The following CNTLN variants were observed in gnomAD, a reference collection of about 807,000 sequenced individuals.
CNTLN encodes the protein centlein.
CNTLN carries 212 observed loss-of-function variants against 180.0 expected under a neutral mutation model. The ratio of observed to expected loss-of-function variants is 1.18; its 90% confidence interval spans 1.05 to 1.32. The LOEUF is 1.32. CNTLN is among the 40% of genes most tolerant of loss of function. The probability of loss-of-function intolerance (pLI) is 0.00; values close to 1 mark genes in which losing one functional copy is unlikely to be tolerated. For synonymous variants in CNTLN, 722 were observed against 563.1 expected (o/e 1.28, Z -3.99); for missense variants, 2,095 against 1,610.9 (o/e 1.30, Z -5.14).
chr9:17,273,735 C>T lies in CNTLN; in HGVS notation c.852C>T (p.Thr284=). ...EKYSTDAKIK[T]FEDNLIEARK... ...TGATATAAGCACTCTAATTTTAGAC[C>T]TTTGAAGACAATTTAATTGAAGCAA... The change falls in exon 6 of 26, where the codon ACC becomes ACT. Residue 284 remains threonine (T), a splice_region_variant and synonymous_variant. Transcript: ENST00000380647. 6.7e-7 allele frequency: 1 copy of T among 1,498,848 alleles called. No individual in the cohort carries two copies. Among genetic ancestry groups the T allele is most frequent in the Non-Finnish European group, 9.0e-7 (1 of 1,116,388 alleles). The allele number at this position is 1,498,848 out of a possible 1,614,324, so 92.8% of individuals were successfully genotyped here.
At chr9:17,359,379 A>T (rs1042786638) in intron 12 of CNTLN, among the ~76,000 whole-genome samples, 2 of 152,102 alleles carry the variant, frequency 1.3e-5, no homozygotes, top group Admixed American at 6.5e-5. Flanking sequence ...AAATTGGCCT[A>T]TGTTAAAACC....
chr9:17,355,206 G>A (rs1822735871), intron 12 of CNTLN, among the ~76,000 whole-genome samples: 1 of 152,098 alleles, frequency 6.6e-6, no homozygotes, highest in Non-Finnish European at 1.5e-5. Flanking sequence ...TTTTTAGTAG[G>A]GACGGGGTTT....
the CNTLN span, among the ~76,000 whole-genome samples, chr9:17,526,469 A>G: frequency 6.6e-6 from 1 of 152,216 alleles, no homozygotes; most frequent in East Asian, 1.9e-4. Flanking sequence ...AATATCTTTC[A>G]ATTACTGAAT....
At chr9:17,398,729 T>C (rs1365039265) in intron 15 of CNTLN, among the ~76,000 whole-genome samples, 3 of 152,178 alleles carry the variant, frequency 2.0e-5, no homozygotes, top group Non-Finnish European at 4.4e-5. Context: ...CTTTGAGGCA[T>C]GGTTTCAGAA....
intron 2 of CNTLN, among the ~76,000 whole-genome samples, chr9:17,207,177 A>G (rs1422170351): frequency 6.6e-6 from 1 of 152,168 alleles, no homozygotes; most frequent in Non-Finnish European, 1.5e-5. Flanking sequence ...TCCTGTTTCC[A>G]TTGCAATTTG....
intron 5 of CNTLN, among the ~76,000 whole-genome samples, chr9:17,258,820 A>C (rs371714359): frequency 0.11 from 15,105 of 142,130 alleles, 1,102 homozygotes; most frequent in African/African-American, 0.19. Flanking sequence ...TTGTACATTG[A>C]TTTTGTATCC....
intron 5 of CNTLN, among the ~76,000 whole-genome samples, chr9:17,270,885 C>G (rs1827887106): frequency 6.7e-6 from 1 of 148,260 alleles, no homozygotes; most frequent in African/African-American, 2.5e-5. Flanking sequence ...TAGTGGGAAA[C>G]AATGAAAAGT....
intron 13 of CNTLN, among the ~76,000 whole-genome samples, chr9:17,387,142 A>T (rs192667756): frequency 3.3e-4 from 51 of 152,308 alleles, no homozygotes; most frequent in African/African-American, 9.9e-4. Flanking sequence ...CACTCTAACA[A>T]ACTTGTTAGT....
intron 2 of CNTLN, among the ~76,000 whole-genome samples, chr9:17,200,020 T>C (rs1383317967): frequency 2.0e-5 from 3 of 152,194 alleles, no homozygotes; most frequent in Non-Finnish European, 4.4e-5. Context: ...TTATATAAAG[T>C]GTAAGGAATG....
In CNTLN at chr9:17,275,105, C is replaced by A. The variant is rs78618794; in HGVS notation, c.983+1239C>A. Among the ~76,000 whole-genome samples, 867 of 152,102 alleles carry A rather than the reference C, an allele frequency of 5.7e-3. 10 individuals carry two copies. Among genetic ancestry groups the A allele is most frequent in the African/African-American group, 0.02 (832 of 41,510 alleles). On this transcript the variant is annotated intron_variant, in intron 6 of 25. Coordinates refer to ENST00000380647, the MANE Select transcript of CNTLN (RefSeq NM_017738.4). ...AAGTAATTCTAAATAGGAATAGAAT[C>A]TTAGATTTGGATGAAATTTAAAAAT...
intron 12 of CNTLN, among the ~76,000 whole-genome samples, chr9:17,365,556 GA>G (rs1255043579): frequency 6.6e-6 from 1 of 152,178 alleles, no homozygotes; most frequent in African/African-American, 2.4e-5. Flanking sequence ...TGTTTTACTG[GA>G]AAGTCTTTTT....
chr9:17,506,858 C>T (rs74625721), downstream of CNTLN, among the ~76,000 whole-genome samples: 1,308 of 152,044 alleles, frequency 8.6e-3, 14 homozygotes, highest in African/African-American at 0.03. Context: ...TTAATTGATA[C>T]ATAATTTTAC....
chr9:17,241,052 G>A (rs1825457616), intron 5 of CNTLN, among the ~76,000 whole-genome samples: 1 of 152,030 alleles, frequency 6.6e-6, no homozygotes, highest in Admixed American at 6.5e-5. Flanking sequence ...TAGAGACGGG[G>A]TTTCATCGTG....
At chr9:17,142,896 A>G (rs180974149) in intron 1 of CNTLN, among the ~76,000 whole-genome samples, 164 of 152,308 alleles carry the variant, frequency 1.1e-3, no homozygotes, top group Non-Finnish European at 6.2e-4. Flanking sequence ...GGTTAGGAAA[A>G]TCTTACTAGG....
chr9:17,469,572 A>G (rs1465838518), intron 23 of CNTLN, among the ~76,000 whole-genome samples: 1 of 151,716 alleles, frequency 6.6e-6, no homozygotes, highest in Admixed American at 6.6e-5. Context: ...CTTAACTACT[A>G]CCACATTAGG....
the CNTLN span, among the ~76,000 whole-genome samples, chr9:17,521,178 T>G: frequency 6.6e-6 from 1 of 151,734 alleles, no homozygotes; most frequent in South Asian, 2.1e-4. Context: ...TTATTTAGGA[T>G]GTGATTCCCA....
intron 13 of CNTLN, among the ~76,000 whole-genome samples, chr9:17,375,943 T>C (rs184069143): frequency 2.0e-5 from 3 of 152,336 alleles, no homozygotes; most frequent in African/African-American, 7.2e-5. Context: ...TTTAACCTGC[T>C]ACATTCTAAC....
intron 6 of CNTLN, among the ~76,000 whole-genome samples, chr9:17,297,739 C>G (rs940176086): frequency 6.6e-6 from 1 of 152,150 alleles, no homozygotes; most frequent in African/African-American, 2.4e-5. Flanking sequence ...CTTTAAGGAA[C>G]TTTGGTTTGA....
At chr9:17,218,209 C>T (rs1417880679) in intron 2 of CNTLN, among the ~76,000 whole-genome samples, 2 of 152,020 alleles carry the variant, frequency 1.3e-5, no homozygotes, top group African/African-American at 2.4e-5. Context: ...CTGGATTATA[C>T]AATAAAAACT....
Sources: allele counts gnomAD v4.1 joint callset (sites outside exome capture counted in the v4.1 genomes callset), GRCh38; gene constraint gnomAD v4.1.1; transcripts MANE v1.5; gene names NCBI Gene and HGNC (gene_info 2026-07-23, HGNC 2026-07-21).